The following NBEA variants were observed in gnomAD, a reference collection of about 807,000 sequenced individuals.
The protein encoded by NBEA is neurobeachin, also known as lysosomal-trafficking regulator 2.
In NBEA, 44 loss-of-function variants were observed where a neutral mutation model predicts 343.4. The ratio of observed to expected loss-of-function variants is 0.13; its 90% confidence interval spans 0.10 to 0.16. NBEA has a LOEUF of 0.16. NBEA is among the 10% of genes least tolerant of loss of function. The pLI is 1.00. For synonymous variants in NBEA, 1,175 were observed against 1,238.7 expected (o/e 0.95, Z 1.08); for missense variants, 2,555 against 3,631.3 (o/e 0.70, Z 7.62).
chr13:35,190,978 G>C (rs758533755), intron 30 of NBEA, among the ~76,000 whole-genome samples: 3 of 152,116 alleles, frequency 2.0e-5, no homozygotes, highest in Admixed American at 6.6e-5. Context: ...TTCTGGAGTT[G>C]AAAATTGTAA....
At chr13:35,168,422 A>T (rs2070206683) in intron 24 of NBEA, among the ~76,000 whole-genome samples, 1 of 151,588 alleles carries the variant, frequency 6.6e-6, no homozygotes, top group Non-Finnish European at 1.5e-5. Context: ...ATTTTCTAGC[A>T]TGGAAAAGTG....
chr13:35,578,994 A>G (rs1334030116), intron 45 of NBEA, among the ~76,000 whole-genome samples: 1 of 151,864 alleles, frequency 6.6e-6, no homozygotes, highest in Non-Finnish European at 1.5e-5. Flanking sequence ...TATGTGTGGA[A>G]TTTTCCACTT....
At chr13:35,251,626 A>C in intron 34 of NBEA, 1 of 1,114,208 alleles carries the variant, frequency 9.0e-7, no homozygotes, top group South Asian at 1.6e-5. Context: ...AGAGATGGCC[A>C]GATTTGAGGT....
intron 28 of NBEA, among the ~76,000 whole-genome samples, chr13:35,180,802 A>G (rs542179354): frequency 1.1e-4 from 17 of 151,844 alleles, no homozygotes; most frequent in Admixed American, 2.0e-4. Flanking sequence ...CCCAATTTGT[A>G]GTCTTTTATC....
intron 35 of NBEA, among the ~76,000 whole-genome samples, chr13:35,294,767 GT>G (rs753441538): frequency 2.6e-4 from 39 of 152,020 alleles, no homozygotes; most frequent in Non-Finnish European, 5.1e-4. Flanking sequence ...CCTTTGTATG[GT>G]TCAGTAAATG....
chr13:35,555,833 C>T (rs2079547870), intron 44 of NBEA, among the ~76,000 whole-genome samples: 1 of 151,968 alleles, frequency 6.6e-6, no homozygotes, highest in South Asian at 2.1e-4. Context: ...AAGGTGCTTA[C>T]CATAATTATT....
At chr13:35,494,704 A>AC (rs2076613179) in intron 41 of NBEA, among the ~76,000 whole-genome samples, 1 of 151,994 alleles carries the variant, frequency 6.6e-6, no homozygotes, top group Non-Finnish European at 1.5e-5. Context: ...TTAAATGTAA[A>AC]TGGATTAAAC....
At chr13:35,492,342 A>G (rs2076532421) in intron 41 of NBEA, among the ~76,000 whole-genome samples, 1 of 151,992 alleles carries the variant, frequency 6.6e-6, no homozygotes, top group Non-Finnish European at 1.5e-5. Flanking sequence ...ATGGAAATAA[A>G]CAATTTTTAA....
At chr13:35,010,751 T>A (rs1363106583) in intron 1 of NBEA, among the ~76,000 whole-genome samples, 5,796 of 13,894 alleles carry the variant, frequency 0.42, 866 homozygotes, top group Non-Finnish European at 0.5. Context: ...AATATATATA[T>A]ATATATATAT....
chr13:35,213,822 T>C (rs1298793475), intron 33 of NBEA, among the ~76,000 whole-genome samples: 1 of 151,992 alleles, frequency 6.6e-6, no homozygotes, highest in Non-Finnish European at 1.5e-5. Context: ...GATTAGTTTA[T>C]GCATCCACAT....
chr13:35,484,545 C>T (rs141417952), intron 41 of NBEA, among the ~76,000 whole-genome samples: 1 of 151,726 alleles, frequency 6.6e-6, no homozygotes, highest in East Asian at 1.9e-4. Context: ...CATCTGTAGA[C>T]CTTGTGGTGA....
At chr13:35,010,726 C>CAAAAAAAAAAAAAA (rs769896169) in intron 1 of NBEA, among the ~76,000 whole-genome samples, 1 of 9,686 alleles carries the variant, frequency 1.0e-4, no homozygotes, top group African/African-American at 3.1e-4. Flanking sequence ...TGGGTCTCTA[C>CAAAAAAAAAAAAAA]AAAAAAAAAA....
chr13:35,203,719 T>TGTGA (rs2073178494), intron 31 of NBEA, among the ~76,000 whole-genome samples: 3 of 152,216 alleles, frequency 2.0e-5, no homozygotes, highest in Admixed American at 6.5e-5. Flanking sequence ...TTACATGTAT[T>TGTGA]ACTTATTAGT....
In NBEA at chr13:35,118,480, A is replaced by G; in HGVS notation, c.2243+6A>G. ...GATCAAAGAAATGGAATAAGGTATG[A>G]TTATAATATTAGTATTACTATTAGA... On this transcript the variant is annotated splice_donor_region_variant and intron_variant, in intron 16 of 58. Coordinates refer to ENST00000379939, the MANE Select transcript of NBEA (RefSeq NM_001385012.1). 6.4e-7 allele frequency: 1 copy of G among 1,564,128 alleles called. No homozygotes were observed. Among genetic ancestry groups the G allele is most frequent in the Non-Finnish European group, 8.7e-7 (1 of 1,148,712 alleles).
chr13:35,161,453 ACT>A (rs1341029282), intron 22 of NBEA, among the ~76,000 whole-genome samples: 9 of 151,902 alleles, frequency 5.9e-5, no homozygotes, highest in Non-Finnish European at 1.3e-4. Flanking sequence ...TAATTTAAAG[ACT>A]CTTAATGGGG....
In NBEA at chr13:35,432,252, T is replaced by C. The variant is rs1210664150; in HGVS notation, c.6180-17T>C. 6.3e-7 allele frequency: 1 copy of C among 1,581,412 alleles called. No homozygotes were observed. On this transcript the variant is annotated splice_polypyrimidine_tract_variant and intron_variant, in intron 38 of 58. Coordinates refer to ENST00000379939, the MANE Select transcript of NBEA (RefSeq NM_001385012.1). ...ATTGTTATTAATAGGGATTACTTTT[T>C]TTCCCTCTACTCTTAGCCAATTGCA...
chr13:35,155,113 C>T (rs1348803881), intron 18 of NBEA, among the ~76,000 whole-genome samples: 2 of 113,412 alleles, frequency 1.8e-5, no homozygotes, highest in African/African-American at 6.7e-5. Context: ...CTGGGGGTAC[C>T]ATAGTGAGAT....
At chr13:35,243,944 C>T (rs1425116966) in intron 34 of NBEA, among the ~76,000 whole-genome samples, 2 of 151,828 alleles carry the variant, frequency 1.3e-5, no homozygotes, top group Non-Finnish European at 2.9e-5. Flanking sequence ...TCAGAATATA[C>T]ATTTTTCTAA....
At chr13:35,349,038 G>A (rs1319805645) in intron 36 of NBEA, 70 bp from the exon 37 acceptor site, 1 of 628,116 alleles carries the variant, frequency 1.6e-6, no homozygotes, top group Non-Finnish European at 2.5e-6. Context: ...ACTGAAATCT[G>A]ATTATTGAAA....
Sources: allele counts gnomAD v4.1 joint callset (sites outside exome capture counted in the v4.1 genomes callset), GRCh38; gene constraint gnomAD v4.1.1; transcripts MANE v1.5; gene names NCBI Gene and HGNC (gene_info 2026-07-23, HGNC 2026-07-21).